ITGAD: variants seen among roughly 807,000 people sequenced by gnomAD.
The protein encoded by ITGAD is integrin subunit alpha D.
ITGAD carries 105 observed loss-of-function variants against 139.0 expected under a neutral mutation model. That is an observed-to-expected ratio of 0.76 (90% CI 0.65 to 0.89). The LOEUF (loss-of-function observed/expected upper bound fraction) is 0.89, where lower values mean the gene tolerates loss of function less well. Ranked by LOEUF, ITGAD falls within the 40% of genes least tolerant of loss-of-function variation. ITGAD has a pLI of 0.00. For synonymous variants in ITGAD, 569 were observed against 598.3 expected (o/e 0.95, Z 0.71); for missense variants, 1,384 against 1,487.3 (o/e 0.93, Z 1.14).
intron 20 of ITGAD, 29 bp downstream of exon 20, chr16:31,416,675 G>T: frequency 6.3e-7 from 1 of 1,585,526 alleles, no homozygotes; most frequent in South Asian, 1.1e-5. Flanking sequence ...TCTAGTGGGA[G>T]GGGGCCTCTC....
At position 31,411,164 on chromosome 16, in the gene ITGAD, A is replaced by T. The variant is rs2081695786; in HGVS notation, c.1445A>T (p.Tyr482Phe). 6.2e-7 allele frequency: 1 copy of T among 1,613,864 alleles called. No individual in the cohort carries two copies. Among genetic ancestry groups the T allele is most frequent in the Non-Finnish European group, 8.5e-7 (1 of 1,179,950 alleles). Reference protein sequence around the residue: ...TDLILIGAPHYYEQTRGGQVS... With the variant: ...TDLILIGAPHFYEQTRGGQVS... ...CTGATCCTCATTGGGGCCCCCCATTACTATGAGCAGACCCGAGGGGGCCAG... is the reference window on the plus strand; with the variant it reads ...CTGATCCTCATTGGGGCCCCCCATTTCTATGAGCAGACCCGAGGGGGCCAG... The change falls in exon 13 of 30, where the codon TAC becomes TTC. Residue 482 changes from tyrosine (Y) to phenylalanine (F), a missense_variant. By Grantham distance (22) the Tyr-to-Phe change is conservative (BLOSUM62 3). Transcript: ENST00000389202.
At position 31,414,964 on chromosome 16, in the gene ITGAD, G is replaced by T. The variant is rs2081847469; in HGVS notation, c.2256G>T (p.Val752=). Residue 752 remains valine (V), a synonymous_variant, in exon 18 of 30, where the codon GTG becomes GTT. Transcript: ENST00000389202. ...SPQNLRPVLA[V]GSQDLFTASL... ...AGAACCTGCGTCCTGTGCTGGCCGT[G>T]GGCTCACAAGACCTCTTCACTGCTT... 1 of 1,614,048 alleles carries T rather than the reference G, an allele frequency of 6.2e-7. No homozygotes were observed. Among genetic ancestry groups the T allele is most frequent in the East Asian group, 2.2e-5 (1 of 44,882 alleles).
chr16:31,413,252 T>C lies in ITGAD; in HGVS notation c.1996+6T>C. ...AAGCTCACTGGACCAGCTAGGTGTG[T>C]TTCCCCCATAAAGGGGGCCCAGGCC... On this transcript the variant is annotated splice_donor_region_variant and intron_variant, in intron 16 of 29. Transcript: ENST00000389202. 6.2e-7 allele frequency: 1 copy of C among 1,613,670 alleles called. No individual in the cohort carries two copies.
chr16:31,405,870 G>T (rs985369384), intron 7 of ITGAD, among the ~76,000 whole-genome samples: 1 of 151,618 alleles, frequency 6.6e-6, no homozygotes, highest in African/African-American at 2.4e-5. Flanking sequence ...CTTGAACTCC[G>T]GGCCTCGAGA....
rs751116138 is a variant in ITGAD, at chr16:31,403,477, G to T, written c.559-23G>T. The T allele has an allele frequency of 6.2e-7, 1 of 1,613,948 alleles. No homozygotes were observed. Among genetic ancestry groups the T allele is most frequent in the South Asian group, 1.1e-5 (1 of 91,060 alleles). ...AATAGTAACAGGCACTGAGCCCTGG[G>T]CCCTCCCCACTGGCCTTTGCAGTTT... On this transcript the variant is annotated intron_variant, in intron 6 of 29. Coordinates refer to ENST00000389202, the MANE Select transcript of ITGAD (RefSeq NM_005353.3). The surrounding 1 kb of genome is among the most constrained non-coding windows in gnomAD (Gnocchi z 4.4).
At chr16:31,425,969 C>T (rs776775608) in intron 29 of ITGAD, 46 bp from the exon 30 acceptor site, 5 of 1,331,072 alleles carry the variant, frequency 3.8e-6, no homozygotes, top group Admixed American at 1.7e-5. Flanking sequence ...GTGTGAGCCA[C>T]CGGGCCCGGA....
At chr16:31,407,169 C>T (rs1403418786) in intron 7 of ITGAD, among the ~76,000 whole-genome samples, 1 of 152,140 alleles carries the variant, frequency 6.6e-6, no homozygotes, top group Non-Finnish European at 1.5e-5. Flanking sequence ...GCCTGGCCAA[C>T]ATGGTAAAAC....
In ITGAD at chr16:31,403,654, C is replaced by T; in HGVS notation, c.704+9C>T. ...GGCATCCTGACAGTGGTGTAAGCAACCCCGACCCCAGCCTGGCGATGTGAC... is the reference window on the plus strand; with the variant it reads ...GGCATCCTGACAGTGGTGTAAGCAATCCCGACCCCAGCCTGGCGATGTGAC... On this transcript the variant is annotated intron_variant, in intron 7 of 29. Coordinates refer to ENST00000389202, the MANE Select transcript of ITGAD (RefSeq NM_005353.3). The surrounding 1 kb of genome is among the most constrained non-coding windows in gnomAD (Gnocchi z 4.4). 1 of 1,614,070 alleles carries T rather than the reference C, an allele frequency of 6.2e-7. No individual in the cohort carries two copies. Among genetic ancestry groups the T allele is most frequent in the South Asian group, 1.1e-5 (1 of 91,076 alleles).
chr16:31,398,427 C>CAAAAAAAAAAAAAAAACAAAAAA (rs2081326016), intron 5 of ITGAD, among the ~76,000 whole-genome samples: 1 of 73,324 alleles, frequency 1.4e-5, no homozygotes. Context: ...AACTCCATCT[C>CAAAAAAAAAAAAAAAACAAAAAA]AAAAAAAAAA....
At chr16:31,397,317 C>T in intron 2 of ITGAD, 42 bp from the exon 3 acceptor site, 3 of 1,376,004 alleles carry the variant, frequency 2.2e-6, no homozygotes, top group Non-Finnish European at 3.0e-6. Flanking sequence ...TGCTCCCACC[C>T]CTCCTGTGGC....
chr16:31,408,750 G>A, intron 10 of ITGAD: 3 of 452,492 alleles, frequency 6.6e-6, no homozygotes, highest in Middle Eastern at 6.3e-4. Flanking sequence ...TAAGCATCAG[G>A]GTAGAGAGAG....
chr16:31,415,083 C>T (rs2081850796), intron 18 of ITGAD, 92 bp downstream of exon 18: 1 of 1,455,176 alleles, frequency 6.9e-7, no homozygotes, highest in Non-Finnish European at 9.5e-7. Flanking sequence ...CACCCAACCA[C>T]ATCCAGTCCA....
intron 15 of ITGAD, 52 bp from the exon 16 acceptor site, chr16:31,413,037 G>A (rs370755856): frequency 3.2e-5 from 51 of 1,606,554 alleles, no homozygotes; most frequent in Non-Finnish European, 4.2e-5. Flanking sequence ...CCCCAGCCAC[G>A]TTATCCTCCC....
chr16:31,394,390 G>A (rs765190998), intron 2 of ITGAD, 49 bp downstream of exon 2: 2 of 1,426,686 alleles, frequency 1.4e-6, no homozygotes, highest in Non-Finnish European at 2.0e-6. Context: ...ATCAAGTCCT[G>A]TGGATGGGTA....
intron 5 of ITGAD, 141 bp from the exon 6 acceptor site, chr16:31,401,974 G>GAGAATGAAGCTATGGTCCCAGCACAGGCC: frequency 1.1e-6 from 1 of 900,484 alleles, no homozygotes. Flanking sequence ...GGCTGGGGTG[G>GAGAATGAAGCTATGGTCCCAGCACAGGCC]CAGACTGGGG....
In ITGAD at chr16:31,412,936, C is replaced by T. The variant is rs990106942; in HGVS notation, c.1806C>T (p.Ala602=). 15 of 1,610,952 alleles carry T rather than the reference C, an allele frequency of 9.3e-6. No homozygotes were observed. The highest frequency in any genetic ancestry group is 1.7e-4 in the Middle Eastern group (1 of 6,034). ...CCCAGGATGGACTGATGGACCTGGCCGTGGGGGCCCGGGGCCAGGTGCTCC... is the reference window on the plus strand; with the variant it reads ...CCCAGGATGGACTGATGGACCTGGCTGTGGGGGCCCGGGGCCAGGTGCTCC... ...DLTQDGLMDL[A]VGARGQVLLL... The change falls in exon 15 of 30, where the codon GCC becomes GCT. Residue 602 remains alanine (A), a synonymous_variant. Transcript: ENST00000389202.
At chr16:31,402,533 CT>C (rs1204803420) in intron 6 of ITGAD, 1 of 243,702 alleles carries the variant, frequency 4.1e-6, no homozygotes, top group African/African-American at 2.2e-5. Context: ...GACATATTTT[CT>C]ATGTAACTAA....
At chr16:31,414,103 CATCTATCTACCA>C (rs1473966301) in intron 16 of ITGAD, among the ~76,000 whole-genome samples, 1 of 152,124 alleles carries the variant, frequency 6.6e-6, no homozygotes, top group East Asian at 1.9e-4. Flanking sequence ...TCTAATCTAT[CATCTATCTACCA>C]ATCTATCACC....
intron 5 of ITGAD, 146 bp downstream of exon 5, chr16:31,398,055 G>A: frequency 3.3e-6 from 2 of 615,194 alleles, no homozygotes; most frequent in Admixed American, 6.0e-5. Flanking sequence ...GGGTGGCTCA[G>A]GCAGGAGCCC....
Sources: gnomAD v4.1 joint callset for allele counts (sites outside exome capture counted in the v4.1 genomes callset) on GRCh38, gnomAD v4.1.1 for gene constraint, Gnocchi (gnomAD v3.1) non-coding constraint, MANE v1.5 for transcripts, NCBI Gene and HGNC (gene_info 2026-07-23, HGNC 2026-07-21) for gene names.